HSD17B11: variants seen among roughly 807,000 people sequenced by gnomAD.
The protein encoded by HSD17B11 is estradiol 17-beta-dehydrogenase 11.
HSD17B11 carries 22 observed loss-of-function variants against 27.8 expected under a neutral mutation model. The observed-to-expected ratio is 0.79, with a 90% confidence interval of 0.56 to 1.13. HSD17B11 has a LOEUF of 1.13. Ranked by LOEUF, HSD17B11 falls within the 50% of genes most tolerant of loss-of-function variation. HSD17B11 has a pLI of 0.00. For missense variants in HSD17B11, 314 were observed against 351.1 expected (o/e 0.89, Z 0.84); for synonymous variants, 117 against 132.8 (o/e 0.88, Z 0.82).
intron 2 of HSD17B11, among the ~76,000 whole-genome samples, chr4:87,380,738 A>G (rs151180954): frequency 0.039 from 5,944 of 151,452 alleles, 415 homozygotes; most frequent in African/African-American, 0.14. Context: ...GGCGCCTGTA[A>G]TCCCAGCTAC....
intron 5 of HSD17B11, among the ~76,000 whole-genome samples, chr4:87,356,865 T>C (rs1474698278): frequency 6.6e-6 from 1 of 152,162 alleles, no homozygotes; most frequent in Non-Finnish European, 1.5e-5. Flanking sequence ...GAATCACCTA[T>C]GATAATCACC....
In HSD17B11 at chr4:87,337,175, G is replaced by A. The variant is rs1735070713; in HGVS notation, c.*101C>T. On this transcript the variant is annotated 3_prime_UTR_variant, in exon 7 of 7. Transcript: ENST00000358290. ...GCCTCAAAAATGATATTGAAGAAATGGGGATAATTAGAAAAAACAGAAGTT... is the reference window on the plus strand; with the variant it reads ...GCCTCAAAAATGATATTGAAGAAATAGGGATAATTAGAAAAAACAGAAGTT... 1.3e-6 allele frequency: 1 copy of A among 770,474 alleles called. No homozygotes were observed. Among genetic ancestry groups the A allele is most frequent in the Non-Finnish European group, 2.3e-6 (1 of 438,716 alleles). 47.7% of individuals were successfully genotyped at this position (770,474 alleles called of 1,614,324 possible).
At chr4:87,347,110 TTTTTTC>T (rs1327429948) in intron 5 of HSD17B11, among the ~76,000 whole-genome samples, 3 of 71,842 alleles carry the variant, frequency 4.2e-5, no homozygotes, top group Non-Finnish European at 7.4e-5. Flanking sequence ...TGGATTTTTT[TTTTTTC>T]TTTTTTTTTT....
At chr4:87,357,231 G>T (rs115741611) in intron 5 of HSD17B11, 48 bp downstream of exon 5, 35,666 of 1,583,534 alleles carry the variant, frequency 0.023, 541 homozygotes, top group Middle Eastern at 0.061. Flanking sequence ...CAGAATGGCT[G>T]GTATTCATAG....
chr4:87,390,578 T>C (rs370473476), intron 1 of HSD17B11, among the ~76,000 whole-genome samples: 1 of 152,178 alleles, frequency 6.6e-6, no homozygotes, highest in Non-Finnish European at 1.5e-5. Flanking sequence ...AATAGAGGGA[T>C]CAATGAAATC....
chr4:87,358,902 T>C (rs1735450881), intron 4 of HSD17B11, among the ~76,000 whole-genome samples: 1 of 152,198 alleles, frequency 6.6e-6, no homozygotes, highest in Admixed American at 6.5e-5. Context: ...ATCCGAATTG[T>C]AATCCCCACA....
At chr4:87,354,473 C>T (rs1735343678) in intron 5 of HSD17B11, among the ~76,000 whole-genome samples, 1 of 151,370 alleles carries the variant, frequency 6.6e-6, no homozygotes, top group Non-Finnish European at 1.5e-5. Context: ...GAGACCCTGT[C>T]TCTACAAAAA....
chr4:87,378,869 TATATATATATAA>T (rs1560769187), intron 2 of HSD17B11, among the ~76,000 whole-genome samples: 6 of 18,794 alleles, frequency 3.2e-4, no homozygotes, highest in South Asian at 1.3e-3. Context: ...TATATATAAA[TATATATATATAA>T]ATATATATAT....
At chr4:87,363,745 C>G (rs765587694) in intron 4 of HSD17B11, among the ~76,000 whole-genome samples, 4 of 152,200 alleles carry the variant, frequency 2.6e-5, no homozygotes, top group Admixed American at 1.3e-4. Context: ...ATAGACACTG[C>G]CCAGACCTGT....
chr4:87,378,876 A>T (rs1172868642), intron 2 of HSD17B11, among the ~76,000 whole-genome samples: 2 of 15,774 alleles, frequency 1.3e-4, no homozygotes, highest in African/African-American at 9.3e-4. Context: ...AAATATATAT[A>T]TATAAATATA....
intron 1 of HSD17B11, among the ~76,000 whole-genome samples, chr4:87,389,781 T>C (rs1720408837): frequency 6.6e-6 from 1 of 152,198 alleles, no homozygotes; most frequent in African/African-American, 2.4e-5. Context: ...AACCCCTTTG[T>C]TCATCTACCA....
At chr4:87,379,089 C>T (rs1412471544) in intron 2 of HSD17B11, among the ~76,000 whole-genome samples, 1 of 146,992 alleles carries the variant, frequency 6.8e-6, no homozygotes, top group African/African-American at 2.5e-5. Context: ...TCCCAAGTAG[C>T]TGGGATTACA....
At chr4:87,341,398 C>T (rs375054070) in intron 5 of HSD17B11, among the ~76,000 whole-genome samples, 4 of 152,294 alleles carry the variant, frequency 2.6e-5, no homozygotes, top group African/African-American at 9.6e-5. Context: ...TCTTGAACTC[C>T]TGGACTCAAG....
At chr4:87,358,117 A>G (rs185757301) in intron 4 of HSD17B11, among the ~76,000 whole-genome samples, 2,180 of 151,764 alleles carry the variant, frequency 0.014, 47 homozygotes, top group African/African-American at 0.05. Context: ...GCCCGCCACC[A>G]TGCTCGGCTA....
chr4:87,358,827 T>A (rs952776250), intron 4 of HSD17B11, among the ~76,000 whole-genome samples: 5 of 152,164 alleles, frequency 3.3e-5, no homozygotes, highest in African/African-American at 1.2e-4. Flanking sequence ...TAAAAAAAGT[T>A]TAGGCACTTA....
chr4:87,378,833 TATATATATATAAATATATATATAA>T (rs1278104566), intron 2 of HSD17B11, among the ~76,000 whole-genome samples: 7 of 15,736 alleles, frequency 4.4e-4, no homozygotes, highest in African/African-American at 1.6e-3. Context: ...TATATATAAA[TATATATATATAAATATATATATAA>T]ATATATATAA....
At chr4:87,361,311 A>G (rs1315965828) in intron 4 of HSD17B11, among the ~76,000 whole-genome samples, 1 of 152,204 alleles carries the variant, frequency 6.6e-6, no homozygotes, top group Non-Finnish European at 1.5e-5. Context: ...TGCCCTGGCA[A>G]CGTCAGGAAG....
chr4:87,344,249 A>G (rs985356747), intron 5 of HSD17B11, among the ~76,000 whole-genome samples: 2 of 152,250 alleles, frequency 1.3e-5, no homozygotes, highest in African/African-American at 2.4e-5. Context: ...AAATTTTTAG[A>G]GAAAAAATAA....
chr4:87,372,927 G>A, intron 3 of HSD17B11, 112 bp from the exon 4 acceptor site: 1 of 658,846 alleles, frequency 1.5e-6, no homozygotes, highest in Non-Finnish European at 2.6e-6. Context: ...TGTCATAAAT[G>A]AAAAAAACAA....
Sources: gnomAD v4.1 joint callset for allele counts (sites outside exome capture counted in the v4.1 genomes callset) on GRCh38, gnomAD v4.1.1 for gene constraint, MANE v1.5 for transcripts, NCBI Gene and HGNC (gene_info 2026-07-23, HGNC 2026-07-21) for gene names.